Variants in ACOXL observed in about 807,000 individuals in gnomAD.
ACOXL encodes the protein acyl-coenzyme A oxidase-like protein.
Under a neutral mutation model 71.9 loss-of-function variants are expected in ACOXL, and 70 were observed. That is an observed-to-expected ratio of 0.97 (90% CI 0.80 to 1.19). The LOEUF (loss-of-function observed/expected upper bound fraction) is 1.19, where lower values mean the gene tolerates loss of function less well. Ranked by LOEUF, ACOXL falls within the 50% of genes most tolerant of loss-of-function variation. The pLI, the probability that ACOXL is intolerant of heterozygous loss-of-function variation, is 0.00. For missense variants in ACOXL, 703 were observed against 736.3 expected (o/e 0.95, Z 0.52); for synonymous variants, 253 against 281.6 (o/e 0.90, Z 1.02).
intron 16 of ACOXL, among the ~76,000 whole-genome samples, chr2:111,052,893 C>T (rs548309148): frequency 6.6e-6 from 1 of 152,208 alleles, no homozygotes; most frequent in South Asian, 2.1e-4. Flanking sequence ...TGTGGCACTT[C>T]CCTGTCCCGG....
chr2:110,775,396 C>T (rs1682512385), intron 2 of ACOXL, among the ~76,000 whole-genome samples: 1 of 152,076 alleles, frequency 6.6e-6, no homozygotes, highest in African/African-American at 2.4e-5. Context: ...ATAAACTGGA[C>T]TACATCAACA....
intron 12 of ACOXL, among the ~76,000 whole-genome samples, chr2:110,962,521 A>G (rs2061738952): frequency 6.6e-6 from 1 of 152,206 alleles, no homozygotes; most frequent in Non-Finnish European, 1.5e-5. Flanking sequence ...AGATGAGGGA[A>G]AGGTGGCCGG....
intron 1 of ACOXL, among the ~76,000 whole-genome samples, chr2:110,763,823 C>A (rs1680701575): frequency 6.6e-6 from 1 of 152,090 alleles, no homozygotes; most frequent in African/African-American, 2.4e-5. Flanking sequence ...TCAGAATATA[C>A]AAAGAACATT....
chr2:110,828,577 T>C (rs2105599573), intron 9 of ACOXL, among the ~76,000 whole-genome samples: 1 of 152,282 alleles, frequency 6.6e-6, no homozygotes. Flanking sequence ...AGAGACAGAG[T>C]GTGAGCGTTG....
At chr2:110,989,672 A>G (rs2063088684) in intron 13 of ACOXL, among the ~76,000 whole-genome samples, 1 of 152,186 alleles carries the variant, frequency 6.6e-6, no homozygotes, top group Non-Finnish European at 1.5e-5. Flanking sequence ...GAAGATGAAA[A>G]CGTTGTGGAG....
chr2:110,813,350 T>C (rs1288319932), intron 9 of ACOXL, among the ~76,000 whole-genome samples: 3 of 152,208 alleles, frequency 2.0e-5, no homozygotes. Flanking sequence ...CAGTGGCAGC[T>C]GTGAGGGGCA....
chr2:110,846,452 G>A (rs1197694903), intron 10 of ACOXL, among the ~76,000 whole-genome samples: 3 of 152,180 alleles, frequency 2.0e-5, no homozygotes, highest in African/African-American at 7.2e-5. Context: ...CAGACACAGA[G>A]GGGGCAGGAT....
chr2:110,907,077 G>A (rs1425654355), intron 10 of ACOXL, among the ~76,000 whole-genome samples: 2 of 152,204 alleles, frequency 1.3e-5, no homozygotes, highest in African/African-American at 4.8e-5. Context: ...GGCGGCTTAA[G>A]TAATAGAAAT....
chr2:110,958,388 T>A (rs750888765), intron 12 of ACOXL, among the ~76,000 whole-genome samples: 1 of 152,126 alleles, frequency 6.6e-6, no homozygotes, highest in African/African-American at 2.4e-5. Context: ...TGTGGAATGG[T>A]CCCTGACAAC....
At chr2:110,989,918 T>C (rs1558834725) in intron 13 of ACOXL, among the ~76,000 whole-genome samples, 1 of 152,076 alleles carries the variant, frequency 6.6e-6, no homozygotes, top group Non-Finnish European at 1.5e-5. Flanking sequence ...CACATGCTTG[T>C]AATCCTAGCT....
rs1694627101 is a variant in ACOXL at position 110,866,699 on chromosome 2, AC to A, written c.788+25299del. Among the ~76,000 whole-genome samples the A allele has an allele frequency of 2.7e-5, 4 of 146,888 alleles. No homozygotes were observed. The East Asian group carries it at 8.0e-4, about 29-fold the overall frequency. Reference sequence around the variant, plus strand: ...TTGAATGGAGGCAGAAGCTTGAGGCACCCCCAGGTCCCTTTGTCTGTCTCTG... The same window carrying A: ...TTGAATGGAGGCAGAAGCTTGAGGCACCCCAGGTCCCTTTGTCTGTCTCTG... On this transcript the variant is annotated intron_variant, in intron 10 of 17. Transcript: ENST00000439055.
intron 9 of ACOXL, among the ~76,000 whole-genome samples, chr2:110,815,064 C>T (rs1687763961): frequency 6.6e-6 from 1 of 152,128 alleles, no homozygotes. Context: ...CTGGGGAGGC[C>T]TCAGAAAACT....
chr2:110,817,575 A>C (rs1436125954), intron 9 of ACOXL, among the ~76,000 whole-genome samples: 1 of 152,126 alleles, frequency 6.6e-6, no homozygotes, highest in African/African-American at 2.4e-5. Context: ...CTTTGGGCCA[A>C]CCTGGCCCAT....
chr2:110,963,753 A>T (rs1315861429), intron 12 of ACOXL: 2 of 1,608,062 alleles, frequency 1.2e-6, no homozygotes, highest in Non-Finnish European at 1.7e-6. Flanking sequence ...AGAGTTATCC[A>T]GAAGTCTGAA....
chr2:110,948,961 G>A (rs912490733), intron 12 of ACOXL, among the ~76,000 whole-genome samples: 1 of 151,970 alleles, frequency 6.6e-6, no homozygotes, highest in Non-Finnish European at 1.5e-5. Context: ...CCCGAGACAC[G>A]TACATTTCAC....
At chr2:110,793,213 T>C (rs1162262469) in intron 3 of ACOXL, among the ~76,000 whole-genome samples, 1 of 152,194 alleles carries the variant, frequency 6.6e-6, no homozygotes, top group African/African-American at 2.4e-5. Flanking sequence ...TTTTGCAGCG[T>C]TGCCTCTTCC....
chr2:111,014,649 A>G (rs749577604), intron 14 of ACOXL, among the ~76,000 whole-genome samples: 45 of 152,240 alleles, frequency 3.0e-4, no homozygotes, highest in Non-Finnish European at 5.4e-4. Context: ...GGAAATGTGA[A>G]TGGCCTAAAA....
intron 15 of ACOXL, among the ~76,000 whole-genome samples, chr2:111,036,593 A>G (rs1267535924): frequency 1.3e-5 from 2 of 152,182 alleles, no homozygotes; most frequent in African/African-American, 2.4e-5. Flanking sequence ...TCCTAGGCCT[A>G]TGAGCAGTGC....
At chr2:110,993,001 A>G (rs569973627) in intron 13 of ACOXL, among the ~76,000 whole-genome samples, 76 of 152,356 alleles carry the variant, frequency 5.0e-4, no homozygotes, top group African/African-American at 1.7e-3. Flanking sequence ...CTATATCACT[A>G]TCATATCTAT....
Sources: allele counts gnomAD v4.1 joint callset (sites outside exome capture counted in the v4.1 genomes callset), GRCh38; gene constraint gnomAD v4.1.1; transcripts MANE v1.5; gene names NCBI Gene and HGNC (gene_info 2026-07-23, HGNC 2026-07-21).